Variants in TAOK1 observed in about 807,000 individuals in gnomAD.
TAOK1 encodes the protein serine/threonine-protein kinase TAO1.
TAOK1 carries 21 observed loss-of-function variants against 138.3 expected under a neutral mutation model. The observed-to-expected ratio is 0.15, with a 90% CI of 0.11 to 0.22. TAOK1 has a LOEUF of 0.22. Among genes scored for constraint, TAOK1 ranks in the 10% least tolerant of loss-of-function variants. The pLI, the probability that TAOK1 is intolerant of heterozygous loss-of-function variation, is 1.00. For missense variants in TAOK1, 651 were observed against 1,227.7 expected, an observed-to-expected ratio of 0.53 and a Z score of 7.02; for synonymous variants, 361 against 398.4, an observed-to-expected ratio of 0.91 and a Z score of 1.12.
chr17:29,531,754 C>A (rs1415493067), intron 18 of TAOK1, among the ~76,000 whole-genome samples: 2 of 148,906 alleles, frequency 1.3e-5, no homozygotes, highest in Non-Finnish European at 3.0e-5. Context: ...CAAAACGAGA[C>A]TCCGTCTCAG....
intron 1 of TAOK1, among the ~76,000 whole-genome samples, chr17:29,419,579 A>G (rs918882802): frequency 2.0e-5 from 3 of 147,890 alleles, no homozygotes; most frequent in Non-Finnish European, 3.0e-5. Context: ...TGCTGCATTC[A>G]TCTCCCAGGC....
chr17:29,434,303 CTA>C (rs946975578), intron 1 of TAOK1, among the ~76,000 whole-genome samples: 1 of 151,966 alleles, frequency 6.6e-6, no homozygotes, highest in African/African-American at 2.4e-5. Context: ...ACACAATTAT[CTA>C]TTAGTGAAGA....
chr17:29,546,558 A>G lies in TAOK1; in HGVS notation c.*3536A>G, dbSNP rs1354676874. On this transcript the variant is annotated 3_prime_UTR_variant, in exon 20 of 20. Coordinates refer to ENST00000261716, the MANE Select transcript of TAOK1 (RefSeq NM_020791.4). ...ATTTTCACCTGTGAAAAATGACTTCATTGTACTTGAAACACCTCCTTTGCA... is the reference window on the plus strand; with the variant it reads ...ATTTTCACCTGTGAAAAATGACTTCGTTGTACTTGAAACACCTCCTTTGCA... 2 of 152,052 alleles carry G rather than the reference A, an allele frequency of 1.3e-5. No homozygotes were observed. Among genetic ancestry groups the G allele is most frequent in the African/African-American group, 4.8e-5 (2 of 41,432 alleles). 9.4% of individuals were successfully genotyped at this position (152,052 alleles called of 1,614,324 possible).
At chr17:29,514,829 C>CA (rs34833091) in intron 15 of TAOK1, 20,011 of 111,418 alleles carry the variant, frequency 0.18, 1,772 homozygotes, top group Middle Eastern at 0.27. Context: ...CTGTGTCTAG[C>CA]AAAAAAAAAA....
chr17:29,424,638 T>C (rs1334393490), intron 1 of TAOK1: 1 of 152,148 alleles, frequency 6.6e-6, no homozygotes, highest in Non-Finnish European at 1.5e-5. Flanking sequence ...GATGCCTATT[T>C]TTGTGTCATG....
intron 2 of TAOK1, among the ~76,000 whole-genome samples, chr17:29,461,635 T>G (rs957235529): frequency 2.0e-5 from 3 of 152,172 alleles, no homozygotes; most frequent in African/African-American, 4.8e-5. Context: ...ACTTGCCTTT[T>G]GGAGAAAAAC....
chr17:29,412,765 A>G (rs1440023973), intron 1 of TAOK1, among the ~76,000 whole-genome samples: 1 of 152,210 alleles, frequency 6.6e-6, no homozygotes, highest in African/African-American at 2.4e-5. Flanking sequence ...TAGGGCAACT[A>G]TTTATACAAC....
chr17:29,526,387 A>G (rs1426680937), intron 17 of TAOK1, among the ~76,000 whole-genome samples: 1 of 151,766 alleles, frequency 6.6e-6, no homozygotes, highest in African/African-American at 2.4e-5. Flanking sequence ...TCTGTCTAGA[A>G]GCACTTGGAA....
chr17:29,535,811 T>C (rs1395179322), intron 19 of TAOK1, among the ~76,000 whole-genome samples: 9 of 151,660 alleles, frequency 5.9e-5, no homozygotes, highest in Non-Finnish European at 8.8e-5. Context: ...GCTGAGATCA[T>C]GCCACTGCAC....
chr17:29,498,201 T>C, intron 11 of TAOK1, 117 bp from the exon 12 acceptor site: 1 of 1,020,994 alleles, frequency 9.8e-7, no homozygotes, highest in South Asian at 1.6e-5. Flanking sequence ...TTTCTCATGA[T>C]AGACCAACTT....
At chr17:29,525,466 G>T (rs2088124995) in intron 17 of TAOK1, among the ~76,000 whole-genome samples, 1 of 124,246 alleles carries the variant, frequency 8.0e-6, no homozygotes, top group African/African-American at 2.7e-5. Flanking sequence ...GAGTGCAGTG[G>T]CATGATCTTC....
At chr17:29,481,150 T>C (rs2031053610) in intron 7 of TAOK1, among the ~76,000 whole-genome samples, 2 of 151,972 alleles carry the variant, frequency 1.3e-5, no homozygotes, top group Non-Finnish European at 2.9e-5. Flanking sequence ...CAACGGACAA[T>C]ACTTGTTGCC....
chr17:29,478,335 C>G lies in TAOK1; in HGVS notation c.437C>G (p.Thr146Ser). The change falls in exon 6 of 20, where the codon ACT becomes AGT. Residue 146 changes from threonine (T) to serine (S), a missense_variant. Thr to Ser is a moderately conservative substitution (Grantham distance 58). Transcript: ENST00000261716. ...LQGLAYLHSH[T>S]MIHRDIKAGN... The stretch of plus-strand genomic sequence containing the variant: ...GGATTAGCCTACTTACATTCTCATA[C>G]TATGATTCATAGGTAAGTGCTTTGG... 2 of 1,587,008 alleles carry G rather than the reference C, an allele frequency of 1.3e-6. No homozygotes were observed. Among genetic ancestry groups the G allele is most frequent in the Non-Finnish European group, 1.7e-6 (2 of 1,168,908 alleles).
intron 3 of TAOK1, among the ~76,000 whole-genome samples, chr17:29,473,102 C>G (rs549492244): frequency 6.1e-4 from 93 of 152,306 alleles, no homozygotes; most frequent in African/African-American, 2.2e-3. Flanking sequence ...CTAAACCATG[C>G]TTAAATGGAT....
At position 29,525,802 on chromosome 17, in the gene TAOK1, T is replaced by C. The variant is rs1406092588; in HGVS notation, c.2148+3283T>C. Among the ~76,000 whole-genome samples, 298 of 152,178 alleles carry C rather than the reference T, an allele frequency of 2.0e-3. 3 individuals are homozygous for C. The highest frequency in any genetic ancestry group is 6.3e-4 in the Non-Finnish European group (43 of 67,988). On this transcript the variant is annotated intron_variant, in intron 17 of 19. Transcript: ENST00000261716. ...AGGGGATCATGAGGTCAAGAGACCA[T>C]CCTGGCCAACATGGTGAAACCTCGT...
intron 1 of TAOK1, among the ~76,000 whole-genome samples, chr17:29,409,331 ATATTTTTT>A (rs1273097573): frequency 5.0e-5 from 3 of 60,296 alleles, no homozygotes; most frequent in African/African-American, 1.7e-4. Flanking sequence ...ATATATATAT[ATATTTTTT>A]TTTTTTTTTT....
At chr17:29,507,859 T>C (rs1299787633) in intron 13 of TAOK1, 37 bp from the exon 14 acceptor site, 1 of 1,569,740 alleles carries the variant, frequency 6.4e-7, no homozygotes, top group South Asian at 1.1e-5. Flanking sequence ...AAGAATGTTT[T>C]ATTTTCTTCT....
intron 1 of TAOK1, among the ~76,000 whole-genome samples, chr17:29,417,015 T>TTTG (rs1555557746): frequency 4.0e-5 from 6 of 151,772 alleles, no homozygotes; most frequent in Admixed American, 3.9e-4. Flanking sequence ...GTTTTTTTTT[T>TTTG]TTGTTGTTGT....
At chr17:29,519,268 T>C (rs138106254) in intron 16 of TAOK1, among the ~76,000 whole-genome samples, 1,628 of 152,150 alleles carry the variant, frequency 0.011, 35 homozygotes, top group African/African-American at 0.037. Flanking sequence ...CCTAGCACTT[T>C]GGGAGGCCAA....
Sources: gnomAD v4.1 joint callset for allele counts (sites outside exome capture counted in the v4.1 genomes callset) on GRCh38, gnomAD v4.1.1 for gene constraint, MANE v1.5 for transcripts, NCBI Gene and HGNC (gene_info 2026-07-23, HGNC 2026-07-21) for gene names.